PDE4D: variants seen among roughly 807,000 people sequenced by gnomAD.
PDE4D encodes the protein phosphodiesterase 4D, also known as 3',5'-cyclic-AMP phosphodiesterase 4D.
In PDE4D, 24 loss-of-function variants were observed where a neutral mutation model predicts 87.4. That is an observed-to-expected ratio of 0.27 (90% confidence interval 0.20 to 0.39). PDE4D has a LOEUF of 0.39. Among genes scored for constraint, PDE4D ranks in the 10% least tolerant of loss-of-function variants. The pLI, the probability that PDE4D is intolerant of heterozygous loss-of-function variation, is 1.00. For synonymous variants in PDE4D, 384 were observed against 383.2 expected (o/e 1.00, Z -0.02); for missense variants, 714 against 1,041.0 (o/e 0.69, Z 4.32).
intron 1 of PDE4D, among the ~76,000 whole-genome samples, chr5:59,682,757 G>C (rs114034590): frequency 0.014 from 2,087 of 152,248 alleles, 48 homozygotes; most frequent in African/African-American, 0.048. Context: ...GGATTTCTCA[G>C]CCTTCAGAAC....
chr5:59,713,173 G>A (rs1754467344), intron 1 of PDE4D, among the ~76,000 whole-genome samples: 1 of 152,096 alleles, frequency 6.6e-6, no homozygotes, highest in African/African-American at 2.4e-5. Context: ...TAGCAATTAG[G>A]AAAAAATAAT....
At chr5:59,889,992 C>T (rs1310083710) in intron 1 of PDE4D, among the ~76,000 whole-genome samples, 1 of 152,130 alleles carries the variant, frequency 6.6e-6, no homozygotes, top group Non-Finnish European at 1.5e-5. Flanking sequence ...TGTCTCCTTA[C>T]TGCTTATATA....
intron 1 of PDE4D, among the ~76,000 whole-genome samples, chr5:59,467,501 T>C (rs1456412385): frequency 6.6e-6 from 1 of 152,238 alleles, no homozygotes; most frequent in Admixed American, 6.5e-5. Context: ...TTGTTCATCT[T>C]AAATGTTAAT....
At chr5:60,251,379 G>C (rs1191015077) in intron 1 of PDE4D, among the ~76,000 whole-genome samples, 3 of 151,796 alleles carry the variant, frequency 2.0e-5, no homozygotes, top group Non-Finnish European at 4.4e-5. Flanking sequence ...CTTCTAGTCG[G>C]CCCCAGTGTT....
chr5:60,421,518 C>T (rs889835932), intron 1 of PDE4D, among the ~76,000 whole-genome samples: 6 of 152,206 alleles, frequency 3.9e-5, no homozygotes, highest in African/African-American at 1.4e-4. Flanking sequence ...AGGACATCCA[C>T]ACCAAAACCC....
intron 5 of PDE4D, among the ~76,000 whole-genome samples, chr5:59,072,498 C>T (rs919034237): frequency 6.6e-6 from 1 of 152,170 alleles, no homozygotes; most frequent in East Asian, 1.9e-4. Context: ...TTCAACCTGC[C>T]TAGGCCCCCC....
intron 2 of PDE4D, among the ~76,000 whole-genome samples, chr5:60,106,590 T>C (rs1409448292): frequency 1.3e-5 from 2 of 150,668 alleles, no homozygotes; most frequent in South Asian, 2.1e-4. Flanking sequence ...TATTCCAAAA[T>C]TGACCACATA....
intron 2 of PDE4D, among the ~76,000 whole-genome samples, chr5:60,046,345 G>A (rs1209342863): frequency 1.3e-5 from 2 of 152,100 alleles, no homozygotes; most frequent in Non-Finnish European, 2.9e-5. Context: ...TTTCCTAATT[G>A]AATACCCTTT....
At chr5:59,653,795 G>A (rs1413648659) in intron 1 of PDE4D, among the ~76,000 whole-genome samples, 2 of 151,600 alleles carry the variant, frequency 1.3e-5, no homozygotes, top group Non-Finnish European at 2.9e-5. Flanking sequence ...TTATGAGTGG[G>A]GAAGGAGAAA....
At chr5:59,710,831 T>C (rs1055049731) in intron 1 of PDE4D, among the ~76,000 whole-genome samples, 9 of 152,156 alleles carry the variant, frequency 5.9e-5, no homozygotes, top group African/African-American at 2.2e-4. Flanking sequence ...GGTTAACCAA[T>C]AGCTACCACC....
intron 1 of PDE4D, chr5:60,335,060 T>C (rs1757627650): frequency 6.6e-6 from 1 of 152,158 alleles, no homozygotes; most frequent in Non-Finnish European, 1.5e-5. Flanking sequence ...GCAATGTGAT[T>C]TAAAAAATAA....
At chr5:58,988,450 G>T in intron 11 of PDE4D, 43 bp downstream of exon 11, 2 of 821,226 alleles carry the variant, frequency 2.4e-6, no homozygotes, top group Non-Finnish European at 3.7e-6. Context: ...ATTCTAAAAT[G>T]TACAAGGGAA....
At chr5:59,212,752 CTT>C (rs2153504157) in intron 2 of PDE4D, among the ~76,000 whole-genome samples, 1 of 152,116 alleles carries the variant, frequency 6.6e-6, no homozygotes, top group Non-Finnish European at 1.5e-5. Flanking sequence ...GAGTTTTCCT[CTT>C]TCTTTTGTCA....
chr5:60,214,389 T>C (rs1477891927), intron 1 of PDE4D, among the ~76,000 whole-genome samples: 1 of 152,174 alleles, frequency 6.6e-6, no homozygotes, highest in Non-Finnish European at 1.5e-5. Context: ...TACTTTCTAG[T>C]TTGTGTGTTT....
At chr5:60,482,316 TA>T (rs767207563) in intron 1 of PDE4D, among the ~76,000 whole-genome samples, 4 of 149,832 alleles carry the variant, frequency 2.7e-5, no homozygotes, top group African/African-American at 4.9e-5. Context: ...TCCAGAACTG[TA>T]AAAAAAAAAT....
At chr5:60,252,755 C>T (rs1748619169) in intron 1 of PDE4D, among the ~76,000 whole-genome samples, 1 of 151,834 alleles carries the variant, frequency 6.6e-6, no homozygotes, top group South Asian at 2.1e-4. Flanking sequence ...TTAGCCTGCC[C>T]AATCTCTTTG....
intron 1 of PDE4D, among the ~76,000 whole-genome samples, chr5:59,582,457 A>C (rs294497): frequency 6.6e-6 from 1 of 151,960 alleles, no homozygotes; most frequent in Non-Finnish European, 1.5e-5. Flanking sequence ...TTTCATTAGA[A>C]GGCAGGCCAT....
intron 5 of PDE4D, among the ~76,000 whole-genome samples, chr5:59,094,857 TAG>T (rs761376381): frequency 6.6e-6 from 1 of 152,246 alleles, no homozygotes; most frequent in Non-Finnish European, 1.5e-5. Context: ...ATACTAAATA[TAG>T]AGACAGGCAA....
At chr5:60,165,438 G>A (rs1203105402) in intron 2 of PDE4D, among the ~76,000 whole-genome samples, 1 of 152,096 alleles carries the variant, frequency 6.6e-6, no homozygotes, top group African/African-American at 2.4e-5. Context: ...TTGAAGTCAG[G>A]TAGTGTGATG....
Sources: gnomAD v4.1 joint callset for allele counts (sites outside exome capture counted in the v4.1 genomes callset) on GRCh38, gnomAD v4.1.1 for gene constraint, MANE v1.5 for transcripts, NCBI Gene and HGNC (gene_info 2026-07-23, HGNC 2026-07-21) for gene names.